Variants in ABL2 observed in about 807,000 individuals in gnomAD.
The protein encoded by ABL2 is tyrosine-protein kinase ABL2.
Under a neutral mutation model 107.7 loss-of-function variants are expected in ABL2, and 49 were observed. The observed-to-expected ratio is 0.45, with a 90% confidence interval of 0.36 to 0.58. The LOEUF is 0.58. Ranked by LOEUF, ABL2 falls within the 20% of genes least tolerant of loss-of-function variation. The pLI is 0.00. For missense variants in ABL2, 1,245 were observed against 1,457.0 expected (o/e 0.85, Z 2.37); for synonymous variants, 549 against 548.6 (o/e 1.00, Z -0.01).
intron 1 of ABL2, among the ~76,000 whole-genome samples, chr1:179,191,929 T>A (rs1290662048): frequency 6.6e-6 from 1 of 152,126 alleles, no homozygotes; most frequent in Non-Finnish European, 1.5e-5. Flanking sequence ...AAAATTAAGG[T>A]TGGACCTAAG....
chr1:179,114,512 G>A (rs564535855), intron 9 of ABL2, among the ~76,000 whole-genome samples: 8 of 115,602 alleles, frequency 6.9e-5, no homozygotes, highest in Non-Finnish European at 1.4e-4. Context: ...GCAAGCAATC[G>A]GATGCTTCTG....
chr1:179,116,926 A>T (rs1178436587), intron 8 of ABL2: 1 of 243,252 alleles, frequency 4.1e-6, no homozygotes, highest in African/African-American at 2.3e-5. Flanking sequence ...TCTGCCCTCC[A>T]GGCTCAAGCA....
chr1:179,116,391 A>T (rs1166143401), intron 8 of ABL2, among the ~76,000 whole-genome samples: 1 of 152,110 alleles, frequency 6.6e-6, no homozygotes, highest in African/African-American at 2.4e-5. Flanking sequence ...AAAAACAAAA[A>T]ACCTAATGTG....
chr1:179,114,979 G>A lies in ABL2; in HGVS notation c.1460C>T (p.Pro487Leu). The change falls in exon 9 of 12, where the codon CCA becomes CTA. Residue 487 changes from proline to leucine, a missense_variant. Transcript: ENST00000502732. ...EIATYGMSPY[P>L]GIDLSQVYDL... ...ATAGACCTGAGACAGGTCAATACCT[G>A]GATATGGTGACATTCCATAGGTAGC... 1 of 1,609,076 alleles carries A rather than the reference G, an allele frequency of 6.2e-7. No homozygotes were observed. The highest frequency in any genetic ancestry group is 8.5e-7 in the Non-Finnish European group (1 of 1,178,002).
At chr1:179,145,701 T>C (rs531687186) in intron 1 of ABL2, among the ~76,000 whole-genome samples, 2 of 152,006 alleles carry the variant, frequency 1.3e-5, no homozygotes, top group East Asian at 1.9e-4. Flanking sequence ...AACTCTGAGG[T>C]AGGAAAAGAA....
intron 1 of ABL2, among the ~76,000 whole-genome samples, chr1:179,193,334 A>G (rs1332567722): frequency 6.6e-6 from 1 of 152,016 alleles, no homozygotes; most frequent in Non-Finnish European, 1.5e-5. Context: ...TTGTCAAATC[A>G]GTAACTCAAA....
At chr1:179,116,873 C>T (rs1453710057) in intron 8 of ABL2, 3 of 179,140 alleles carry the variant, frequency 1.7e-5, no homozygotes, top group South Asian at 1.2e-4. Flanking sequence ...CGCTCTATTG[C>T]CCAGGCTGGA....
intron 1 of ABL2, among the ~76,000 whole-genome samples, chr1:179,189,669 C>G (rs1252821745): frequency 1.3e-5 from 2 of 152,142 alleles, no homozygotes; most frequent in Non-Finnish European, 2.9e-5. Context: ...TTTTGGCCTA[C>G]TCTCACCACT....
chr1:179,115,885 A>T (rs990952931), intron 8 of ABL2, among the ~76,000 whole-genome samples: 1 of 152,202 alleles, frequency 6.6e-6, no homozygotes, highest in African/African-American at 2.4e-5. Flanking sequence ...ATGACTTAGA[A>T]TCCTATGACT....
intron 1 of ABL2, among the ~76,000 whole-genome samples, chr1:179,200,588 C>T (rs1291011637): frequency 6.6e-6 from 1 of 152,070 alleles, no homozygotes; most frequent in African/African-American, 2.4e-5. Context: ...ACAACTTAAA[C>T]CCAAAAAATG....
intron 1 of ABL2, among the ~76,000 whole-genome samples, chr1:179,223,019 T>G (rs1230045624): frequency 7.0e-6 from 1 of 143,602 alleles, no homozygotes; most frequent in Non-Finnish European, 1.5e-5. Context: ...CTGAGGCAGG[T>G]GAATTGCTTG....
intron 1 of ABL2, among the ~76,000 whole-genome samples, chr1:179,224,134 CAAAA>C (rs1181284107): frequency 8.7e-5 from 3 of 34,510 alleles, no homozygotes; most frequent in Non-Finnish European, 1.4e-4. Flanking sequence ...CTACTCACTA[CAAAA>C]AAAAAAAAAA....
rs1263432322 is a variant in ABL2, at chr1:179,108,518, C to T, written c.2749G>A (p.Ala917Thr). ...GTTGGGAGGACGGGGGCAGCCTTGG[C>T]TGGAGAAGGCCAGCCCGGCTGCTCT... ...DGEQPGWPSP[A>T]KAAPVLPTTH... is the part of the protein sequence containing the mutation. The change falls in exon 12 of 12, where the codon GCC (alanine) becomes ACC (threonine). Residue 917 changes from alanine (A) to threonine (T), a missense_variant. By Grantham distance (58) the Ala-to-Thr change is moderately conservative (BLOSUM62 0). Coordinates refer to ENST00000502732, the MANE Select transcript of ABL2 (RefSeq NM_007314.4). The T allele has an allele frequency of 6.2e-7, 1 of 1,614,172 alleles. No homozygotes were observed. The highest frequency in any genetic ancestry group is 8.5e-7 in the Non-Finnish European group (1 of 1,180,012).
intron 9 of ABL2, 101 bp from the exon 10 acceptor site, chr1:179,112,499 A>G (rs1654187905): frequency 4.8e-6 from 4 of 833,710 alleles, no homozygotes; most frequent in East Asian, 2.7e-5. Context: ...CACACTTATT[A>G]AAGTACAGTT....
At chr1:179,189,278 G>C (rs1440830588) in intron 1 of ABL2, among the ~76,000 whole-genome samples, 1 of 152,090 alleles carries the variant, frequency 6.6e-6, no homozygotes, top group Non-Finnish European at 1.5e-5. Flanking sequence ...TGGGATTACA[G>C]GTATGCACCA....
At chr1:179,125,834 T>C (rs1655677089) in intron 4 of ABL2, among the ~76,000 whole-genome samples, 1 of 152,248 alleles carries the variant, frequency 6.6e-6, no homozygotes, top group South Asian at 2.1e-4. Context: ...CCAACGGACA[T>C]AAGCTCATGC....
chr1:179,186,443 A>G (rs1030034501), intron 1 of ABL2, among the ~76,000 whole-genome samples: 5 of 151,958 alleles, frequency 3.3e-5, no homozygotes, highest in African/African-American at 4.8e-5. Context: ...CAATGGCGTG[A>G]TCTTGGCTCA....
chr1:179,193,022 A>G (rs1257639220), intron 1 of ABL2, among the ~76,000 whole-genome samples: 1 of 152,212 alleles, frequency 6.6e-6, no homozygotes, highest in African/African-American at 2.4e-5. Flanking sequence ...ATCAAAGGTC[A>G]TATCATATTT....
chr1:179,200,266 T>G (rs1350067736), intron 1 of ABL2, among the ~76,000 whole-genome samples: 3 of 150,806 alleles, frequency 2.0e-5, no homozygotes, highest in Non-Finnish European at 4.4e-5. Flanking sequence ...AGACTGGTCT[T>G]GAACTCCTGA....
Sources: allele counts gnomAD v4.1 joint callset (sites outside exome capture counted in the v4.1 genomes callset), GRCh38; gene constraint gnomAD v4.1.1; transcripts MANE v1.5; gene names NCBI Gene and HGNC (gene_info 2026-07-23, HGNC 2026-07-21).